Variants in MRTFB observed in about 807,000 individuals in gnomAD.
MRTFB encodes the protein myocardin-related transcription factor B.
Under a neutral mutation model 104.2 loss-of-function variants are expected in MRTFB, and 29 were observed. The observed-to-expected ratio is 0.28, with a 90% CI of 0.21 to 0.38. MRTFB has a LOEUF of 0.38. Among genes scored for constraint, MRTFB ranks in the 10% least tolerant of loss-of-function variants. The probability of loss-of-function intolerance (pLI) is 1.00; values close to 1 mark genes in which losing one functional copy is unlikely to be tolerated. For synonymous variants in MRTFB, 535 were observed against 519.5 expected, an observed-to-expected ratio of 1.03 and a Z score of -0.41; for missense variants, 1,270 against 1,341.6, an observed-to-expected ratio of 0.95 and a Z score of 0.83.
At chr16:14,023,914 G>T in the MRTFB span, among the ~76,000 whole-genome samples, 1 of 152,010 alleles carries the variant, frequency 6.6e-6, no homozygotes, top group African/African-American at 2.4e-5. Context: ...AGCCAGGCAT[G>T]ATGGTGCACA....
chr16:14,100,489 G>T (rs1353916430), intron 2 of MRTFB, among the ~76,000 whole-genome samples: 1 of 152,082 alleles, frequency 6.6e-6, no homozygotes, highest in Non-Finnish European at 1.5e-5. Context: ...AATTTAATTT[G>T]TTAAAATTTT....
chr16:14,198,626 T>G (rs1010385908), intron 3 of MRTFB, among the ~76,000 whole-genome samples: 10 of 152,246 alleles, frequency 6.6e-5, no homozygotes, highest in Admixed American at 3.3e-4. Context: ...CAGTGATTAT[T>G]CCAAACCTCC....
intron 15 of MRTFB, among the ~76,000 whole-genome samples, chr16:14,255,313 G>T (rs1258916460): frequency 6.6e-6 from 1 of 152,256 alleles, no homozygotes; most frequent in African/African-American, 2.4e-5. Context: ...CGATAAACAA[G>T]CTGGATAAAT....
At chr16:14,171,340 G>A (rs1046013101) in intron 3 of MRTFB, among the ~76,000 whole-genome samples, 3 of 152,122 alleles carry the variant, frequency 2.0e-5, no homozygotes, top group African/African-American at 4.8e-5. Context: ...ACTTTGGGAG[G>A]CCAAGGCAGC....
At chr16:14,168,733 G>A (rs2039329858) in intron 3 of MRTFB, among the ~76,000 whole-genome samples, 1 of 152,150 alleles carries the variant, frequency 6.6e-6, no homozygotes, top group Non-Finnish European at 1.5e-5. Context: ...GTATGTATGT[G>A]GGAGAGGAGT....
chr16:14,221,973 G>C (rs1041225623), intron 8 of MRTFB, among the ~76,000 whole-genome samples: 3 of 151,942 alleles, frequency 2.0e-5, no homozygotes, highest in Admixed American at 2.0e-4. Flanking sequence ...TAGAGACAGG[G>C]CTTCACCATG....
At chr16:14,024,617 A>G in the MRTFB span, among the ~76,000 whole-genome samples, 1 of 152,252 alleles carries the variant, frequency 6.6e-6, no homozygotes. Flanking sequence ...AAGGATGGCC[A>G]TTGCTGCATT....
At chr16:14,206,044 G>A (rs540625574) in intron 3 of MRTFB, among the ~76,000 whole-genome samples, 1 of 46,656 alleles carries the variant, frequency 2.1e-5, no homozygotes, top group Admixed American at 2.9e-4. Context: ...GTGACATTCA[G>A]TGGTCTAAGC....
chr16:14,127,911 ATATATATATATATATATATTTTTTTTT>A (rs1393956363), intron 2 of MRTFB, among the ~76,000 whole-genome samples: 3 of 53,608 alleles, frequency 5.6e-5, no homozygotes, highest in African/African-American at 2.7e-4. Context: ...ATATATATAT[ATATATATATATATATATATTTTTTTTT>A]TTTTTTTTTT....
At chr16:14,144,611 A>T (rs1386059598) in intron 3 of MRTFB, 3 of 152,200 alleles carry the variant, frequency 2.0e-5, no homozygotes, top group Admixed American at 2.0e-4. Context: ...TCAATTGAGC[A>T]ATTCCACAGT....
At chr16:14,107,712 G>A (rs375766592) in intron 2 of MRTFB, among the ~76,000 whole-genome samples, 113 of 152,290 alleles carry the variant, frequency 7.4e-4, no homozygotes, top group African/African-American at 2.5e-3. Context: ...CTCCACCTCC[G>A]TGAGCTTTAG....
intron 8 of MRTFB, among the ~76,000 whole-genome samples, chr16:14,224,233 C>T (rs1227595253): frequency 6.6e-6 from 1 of 152,180 alleles, no homozygotes; most frequent in Non-Finnish European, 1.5e-5. Context: ...TTGGGGATTA[C>T]AATTTGACAT....
the MRTFB span, among the ~76,000 whole-genome samples, chr16:14,041,482 C>T: frequency 6.6e-6 from 1 of 152,182 alleles, no homozygotes. Context: ...TAATGTTCAT[C>T]CGTGTTGTAG....
the MRTFB span, among the ~76,000 whole-genome samples, chr16:14,021,502 G>A: frequency 6.6e-6 from 1 of 152,160 alleles, no homozygotes. Context: ...GGTGATTTGT[G>A]AGATTTTGGT....
chr16:14,254,590 G>GA (rs1169523424), intron 15 of MRTFB, among the ~76,000 whole-genome samples: 1 of 152,224 alleles, frequency 6.6e-6, no homozygotes, highest in Non-Finnish European at 1.5e-5. Flanking sequence ...TACAGGCGTG[G>GA]AATGGACGCT....
At chr16:14,139,641 C>G (rs1021166765) in intron 2 of MRTFB, among the ~76,000 whole-genome samples, 5 of 152,092 alleles carry the variant, frequency 3.3e-5, no homozygotes, top group Non-Finnish European at 7.3e-5. Flanking sequence ...GGTATTTACC[C>G]AAGAGAAGGG....
At chr16:14,182,739 G>A (rs2039812520) in intron 3 of MRTFB, among the ~76,000 whole-genome samples, 1 of 152,170 alleles carries the variant, frequency 6.6e-6, no homozygotes, top group Non-Finnish European at 1.5e-5. Context: ...CGGGAAGTAA[G>A]AAGGTAATAA....
intron 2 of MRTFB, among the ~76,000 whole-genome samples, chr16:14,128,748 C>T (rs1031556002): frequency 4.6e-5 from 7 of 152,172 alleles, no homozygotes; most frequent in African/African-American, 1.4e-4. Flanking sequence ...AGAGTTATTT[C>T]TAGTCATTTG....
At chr16:14,024,242 A>T in the MRTFB span, among the ~76,000 whole-genome samples, 1 of 152,148 alleles carries the variant, frequency 6.6e-6, no homozygotes, top group East Asian at 1.9e-4. Flanking sequence ...GCTTCATCAG[A>T]GCTATTTTGT....
Sources: gnomAD v4.1 joint callset for allele counts (sites outside exome capture counted in the v4.1 genomes callset) on GRCh38, gnomAD v4.1.1 for gene constraint, MANE v1.5 for transcripts, NCBI Gene and HGNC (gene_info 2026-07-23, HGNC 2026-07-21) for gene names.